The following DRC11 variants were observed in gnomAD, a reference collection of about 807,000 sequenced individuals.
DRC11 encodes dynein regulatory complex subunit 11.
the DRC11 span, chr2:236,419,218 C>T: frequency 1.3e-6 from 2 of 1,538,110 alleles, no homozygotes; most frequent in Non-Finnish European, 8.8e-7. This position sits in a 1 kb window ranked among gnomAD's most constrained non-coding sequence, Gnocchi z 4.8. Flanking sequence ...TTTTCTTCTT[C>T]TTCTTTTTGT....
chr2:236,357,772 T>C, the DRC11 span, among the ~76,000 whole-genome samples: 1 of 126,474 alleles, frequency 7.9e-6, no homozygotes, highest in Admixed American at 8.5e-5. Flanking sequence ...ATATACTATG[T>C]AAATATATGT....
the DRC11 span, among the ~76,000 whole-genome samples, chr2:236,384,510 T>G: frequency 6.6e-6 from 1 of 152,310 alleles, no homozygotes; most frequent in Non-Finnish European, 1.5e-5. Context: ...TTTGATGGGG[T>G]CTTTTTTTCT....
the DRC11 span, chr2:236,465,523 T>C: frequency 6.2e-7 from 1 of 1,613,950 alleles, no homozygotes; most frequent in Non-Finnish European, 8.5e-7. The surrounding 1 kb of genome is among the most constrained non-coding windows in gnomAD (Gnocchi z 6.2). Flanking sequence ...GATGAACCAA[T>C]GCCGGATCTG....
the DRC11 span, among the ~76,000 whole-genome samples, chr2:236,362,658 G>A: frequency 6.6e-6 from 1 of 152,166 alleles, no homozygotes; most frequent in African/African-American, 2.4e-5. This position sits in a 1 kb window ranked among gnomAD's most constrained non-coding sequence, Gnocchi z 5.7. Flanking sequence ...CAACTGCACA[G>A]GGGATTAGCG....
the DRC11 span, among the ~76,000 whole-genome samples, chr2:236,497,910 T>C: frequency 2.8e-4 from 43 of 152,336 alleles, no homozygotes; most frequent in Middle Eastern, 3.4e-3. The surrounding 1 kb of genome is among the most constrained non-coding windows in gnomAD (Gnocchi z 5.1). Flanking sequence ...AACGTGTGCA[T>C]ACCCTGTGAA....
chr2:236,412,235 A>T, the DRC11 span, among the ~76,000 whole-genome samples: 1 of 152,156 alleles, frequency 6.6e-6, no homozygotes, highest in East Asian at 1.9e-4. Flanking sequence ...GGAGGCAGAA[A>T]GAAAACCTTC....
chr2:236,453,480 G>T, the DRC11 span, among the ~76,000 whole-genome samples: 4,762 of 152,154 alleles, frequency 0.031, 238 homozygotes, highest in East Asian at 0.18. This position sits in a 1 kb window ranked among gnomAD's most constrained non-coding sequence, Gnocchi z 4.9. Flanking sequence ...AGAACAAACC[G>T]AATGGCTCTA....
the DRC11 span, among the ~76,000 whole-genome samples, chr2:236,371,573 C>T: frequency 6.6e-6 from 1 of 152,160 alleles, no homozygotes; most frequent in Non-Finnish European, 1.5e-5. The surrounding 1 kb of genome is among the most constrained non-coding windows in gnomAD (Gnocchi z 5.1). Flanking sequence ...GCGCACACCG[C>T]TCTTATGCAT....
the DRC11 span, among the ~76,000 whole-genome samples, chr2:236,506,051 C>T: frequency 6.6e-6 from 1 of 152,212 alleles, no homozygotes; most frequent in Non-Finnish European, 1.5e-5. The surrounding 1 kb of genome is among the most constrained non-coding windows in gnomAD (Gnocchi z 4.9). Context: ...CTGGTGAACT[C>T]CACACTGCCA....
the DRC11 span, among the ~76,000 whole-genome samples, chr2:236,448,824 C>T: frequency 5.6e-4 from 85 of 152,002 alleles, no homozygotes; most frequent in Middle Eastern, 3.2e-3. The surrounding 1 kb of genome is among the most constrained non-coding windows in gnomAD (Gnocchi z 5.3). Flanking sequence ...TAGACCAGGG[C>T]ACCTTTAAGA....
chr2:236,341,180 C>T, the DRC11 span, among the ~76,000 whole-genome samples: 4 of 152,340 alleles, frequency 2.6e-5, no homozygotes, highest in African/African-American at 2.4e-5. Flanking sequence ...AAGAAAGCAG[C>T]GATTCCTTGG....
the DRC11 span, among the ~76,000 whole-genome samples, chr2:236,416,326 T>C: frequency 6.6e-6 from 1 of 152,082 alleles, no homozygotes; most frequent in South Asian, 2.1e-4. Context: ...TGGTGTAACC[T>C]CGCCTGTAGT....
the DRC11 span, among the ~76,000 whole-genome samples, chr2:236,334,045 C>A: frequency 6.6e-6 from 1 of 152,160 alleles, no homozygotes; most frequent in South Asian, 2.1e-4. The surrounding 1 kb of genome is among the most constrained non-coding windows in gnomAD (Gnocchi z 7.8). Context: ...TGGTTACTCT[C>A]CATAGATCAC....
chr2:236,461,501 G>GT, the DRC11 span, among the ~76,000 whole-genome samples: 1 of 152,190 alleles, frequency 6.6e-6, no homozygotes, highest in Non-Finnish European at 1.5e-5. This position sits in a 1 kb window ranked among gnomAD's most constrained non-coding sequence, Gnocchi z 4.0. Flanking sequence ...ATGAAAAACT[G>GT]TAATACCATT....
chr2:236,351,900 T>C, the DRC11 span, among the ~76,000 whole-genome samples: 1 of 150,870 alleles, frequency 6.6e-6, no homozygotes, highest in African/African-American at 2.4e-5. This position sits in a 1 kb window ranked among gnomAD's most constrained non-coding sequence, Gnocchi z 7.3. Context: ...CATGAGCCCC[T>C]GGGCAGCAGG....
chr2:236,378,117 C>A, the DRC11 span, among the ~76,000 whole-genome samples: 1 of 152,162 alleles, frequency 6.6e-6, no homozygotes, highest in African/African-American at 2.4e-5. Context: ...AAATACTATT[C>A]GGGGAAATGT....
chr2:236,438,336 G>A, the DRC11 span, among the ~76,000 whole-genome samples: 1,373 of 141,864 alleles, frequency 9.7e-3, 17 homozygotes, highest in African/African-American at 0.035. Context: ...TGCTGTTTTG[G>A]TTACTGTAGC....
chr2:236,317,249 T>C, the DRC11 span, among the ~76,000 whole-genome samples: 1 of 150,932 alleles, frequency 6.6e-6, no homozygotes, highest in Non-Finnish European at 1.5e-5. This position sits in a 1 kb window ranked among gnomAD's most constrained non-coding sequence, Gnocchi z 5.4. Context: ...TGAGCTGAGA[T>C]CGCGCCACTG....
chr2:236,357,130 G>A, the DRC11 span, among the ~76,000 whole-genome samples: 13 of 90,584 alleles, frequency 1.4e-4, no homozygotes, highest in East Asian at 8.1e-4. Flanking sequence ...TTATATATTC[G>A]TATATTATAT....
Sources: allele counts gnomAD v4.1 joint callset (sites outside exome capture counted in the v4.1 genomes callset), GRCh38; gene constraint gnomAD v4.1.1; non-coding constraint Gnocchi (gnomAD v3.1); transcripts MANE v1.5; gene names NCBI Gene and HGNC (gene_info 2026-07-23, HGNC 2026-07-21).